FSTL5: variants seen among roughly 807,000 people sequenced by gnomAD.
FSTL5 encodes the protein follistatin-related protein 5.
FSTL5 carries 62 observed loss-of-function variants against 89.1 expected under a neutral mutation model. The ratio of observed to expected loss-of-function variants is 0.70; its 90% confidence interval spans 0.57 to 0.86. The LOEUF (loss-of-function observed/expected upper bound fraction) is 0.86, where lower values mean the gene tolerates loss of function less well. Ranked by LOEUF, FSTL5 falls within the 40% of genes least tolerant of loss-of-function variation. The pLI is 0.00. For synonymous variants in FSTL5, 383 were observed against 346.2 expected, an observed-to-expected ratio of 1.11 and a Z score of -1.18; for missense variants, 1,057 against 1,001.6, an observed-to-expected ratio of 1.06 and a Z score of -0.75.
intron 8 of FSTL5, among the ~76,000 whole-genome samples, chr4:161,568,921 A>G (rs1022769911): frequency 6.6e-6 from 1 of 152,196 alleles, no homozygotes; most frequent in Non-Finnish European, 1.5e-5. Flanking sequence ...CTTTAGTTAT[A>G]TAGAAGGAAT....
At chr4:161,625,662 C>T (rs1416213045) in intron 7 of FSTL5, among the ~76,000 whole-genome samples, 1 of 152,058 alleles carries the variant, frequency 6.6e-6, no homozygotes, top group African/African-American at 2.4e-5. Flanking sequence ...ACACACCTCT[C>T]ATTTTAAATC....
intron 6 of FSTL5, among the ~76,000 whole-genome samples, chr4:161,714,917 A>G (rs1410837342): frequency 2.0e-5 from 3 of 152,186 alleles, no homozygotes; most frequent in South Asian, 2.1e-4. Context: ...CTTAATATAC[A>G]TATTTTCTTT....
intron 15 of FSTL5, among the ~76,000 whole-genome samples, chr4:161,400,970 C>G (rs1371313427): frequency 6.6e-6 from 1 of 152,072 alleles, no homozygotes; most frequent in Non-Finnish European, 1.5e-5. Context: ...AACTTCTGTA[C>G]TCAAAATGAC....
intron 4 of FSTL5, among the ~76,000 whole-genome samples, chr4:161,813,107 A>G (rs999611907): frequency 6.6e-6 from 1 of 151,572 alleles, no homozygotes. Flanking sequence ...GCTAACTGCA[A>G]CCTCTGTCTC....
intron 4 of FSTL5, among the ~76,000 whole-genome samples, chr4:161,833,514 C>G (rs1386856376): frequency 7.9e-6 from 1 of 126,750 alleles, no homozygotes; most frequent in Non-Finnish European, 1.7e-5. Flanking sequence ...GTGTGGGAGT[C>G]TAAGTCTCTT....
chr4:161,444,211 C>T (rs961349488), intron 15 of FSTL5, among the ~76,000 whole-genome samples: 1 of 151,802 alleles, frequency 6.6e-6, no homozygotes. Flanking sequence ...CAAGGGGCCT[C>T]AGCTTAGGGC....
chr4:161,643,495 T>C (rs1487459258), intron 7 of FSTL5, among the ~76,000 whole-genome samples: 4 of 151,942 alleles, frequency 2.6e-5, no homozygotes, highest in African/African-American at 9.7e-5. Flanking sequence ...CCCTTTTCAG[T>C]CAGTAAGATT....
intron 6 of FSTL5, among the ~76,000 whole-genome samples, chr4:161,687,928 G>A (rs138986876): frequency 1.8e-4 from 28 of 152,280 alleles, no homozygotes; most frequent in African/African-American, 6.0e-4. Flanking sequence ...AAAGGCTTAC[G>A]GAAGTGAGTT....
At position 162,097,038 on chromosome 4, in the gene FSTL5, C is replaced by T. The variant is rs183434344; in HGVS notation, c.126+14233G>A. ...ATACAAGATGATAAAGCAAGAGATA[C>T]TTTCTCATTACAACAGTTATATCTT... On this transcript the variant is annotated intron_variant, in intron 2 of 15. Transcript: ENST00000306100. Among the ~76,000 whole-genome samples, 381 of 151,984 alleles carry T rather than the reference C, an allele frequency of 2.5e-3. 1 individual carries two copies. Among genetic ancestry groups the T allele is most frequent in the Admixed American group, 3.3e-3 (50 of 15,254 alleles).
chr4:161,783,762 TTCTTTC>T (rs1434817459), intron 4 of FSTL5, among the ~76,000 whole-genome samples: 1 of 127,516 alleles, frequency 7.8e-6, no homozygotes, highest in East Asian at 2.2e-4. Context: ...CTTTCTTTCC[TTCTTTC>T]TCTTTCTTGA....
At chr4:161,770,529 T>G (rs1438433641) in intron 5 of FSTL5, among the ~76,000 whole-genome samples, 3 of 151,936 alleles carry the variant, frequency 2.0e-5, no homozygotes, top group African/African-American at 7.2e-5. Flanking sequence ...GACAGAATCT[T>G]GATTATAGTC....
chr4:161,560,498 T>C (rs1328802357), intron 8 of FSTL5, among the ~76,000 whole-genome samples: 1 of 151,934 alleles, frequency 6.6e-6, no homozygotes, highest in East Asian at 1.9e-4. Flanking sequence ...TTTGACTCTG[T>C]AATAACACTT....
At chr4:161,719,618 ATTCCTTTCC>A (rs1196805041) in intron 6 of FSTL5, among the ~76,000 whole-genome samples, 3 of 152,132 alleles carry the variant, frequency 2.0e-5, no homozygotes, top group African/African-American at 7.2e-5. Flanking sequence ...TGATCACAAG[ATTCCTTTCC>A]TTTTATGTGT....
intron 4 of FSTL5, among the ~76,000 whole-genome samples, chr4:161,912,762 G>A (rs1345127754): frequency 6.6e-6 from 1 of 152,138 alleles, no homozygotes; most frequent in Non-Finnish European, 1.5e-5. Flanking sequence ...CAGTTTGGAG[G>A]GTTCAGAAGA....
intron 6 of FSTL5, among the ~76,000 whole-genome samples, chr4:161,735,249 T>C (rs934689367): frequency 3.9e-5 from 6 of 152,168 alleles, no homozygotes; most frequent in Non-Finnish European, 8.8e-5. Flanking sequence ...GGGTGAGGTA[T>C]GGGGAAGGCG....
At chr4:161,472,007 C>T (rs1228577616) in intron 13 of FSTL5, among the ~76,000 whole-genome samples, 9 of 141,814 alleles carry the variant, frequency 6.3e-5, no homozygotes, top group Admixed American at 1.5e-4. Flanking sequence ...GACAGAGTCT[C>T]GCTCTGTTGC....
intron 3 of FSTL5, among the ~76,000 whole-genome samples, chr4:161,947,706 G>A (rs182890171): frequency 7.9e-5 from 12 of 152,000 alleles, no homozygotes; most frequent in African/African-American, 2.4e-4. Context: ...TGGGCTAGTC[G>A]AGATCTGTTG....
Position 161,668,717 on chromosome 4 carries a change from A to T in FSTL5, c.728-12223T>A, listed in dbSNP as rs1740300487. ...TATGCAAGAATGAGTCAACATTTAAAAATCAATTAAATGTACTCATCACAT... is the reference window on the plus strand; with the variant it reads ...TATGCAAGAATGAGTCAACATTTAATAATCAATTAAATGTACTCATCACAT... On this transcript the variant is annotated intron_variant, in intron 6 of 15. Coordinates refer to ENST00000306100, the MANE Select transcript of FSTL5 (RefSeq NM_020116.5). Among the ~76,000 whole-genome samples the T allele has an allele frequency of 2.0e-5, 3 of 152,330 alleles. No individual in the cohort carries two copies. In the East Asian group the frequency reaches 5.8e-4, roughly 29 times the overall value.
chr4:161,458,206 C>G (rs1332763177), intron 14 of FSTL5, among the ~76,000 whole-genome samples: 2 of 152,092 alleles, frequency 1.3e-5, no homozygotes, highest in African/African-American at 4.8e-5. Flanking sequence ...GCAGAGCTGC[C>G]CAGGTAGCCA....
Sources: gnomAD v4.1 joint callset for allele counts (sites outside exome capture counted in the v4.1 genomes callset) on GRCh38, gnomAD v4.1.1 for gene constraint, MANE v1.5 for transcripts, NCBI Gene and HGNC (gene_info 2026-07-23, HGNC 2026-07-21) for gene names.